AFTPH: variants seen among roughly 807,000 people sequenced by gnomAD.
AFTPH encodes aftiphilin.
In AFTPH, 7 loss-of-function variants were observed where a neutral mutation model predicts 72.5. The observed-to-expected ratio is 0.10, with a 90% CI of 0.05 to 0.18. AFTPH has a LOEUF of 0.18. Ranked by LOEUF, AFTPH falls within the 10% of genes least tolerant of loss-of-function variation. AFTPH has a pLI of 1.00. For synonymous variants in AFTPH, 337 were observed against 370.1 expected, an observed-to-expected ratio of 0.91 and a Z score of 1.03; for missense variants, 979 against 1,060.5, an observed-to-expected ratio of 0.92 and a Z score of 1.07.
intron 1 of AFTPH, among the ~76,000 whole-genome samples, chr2:64,542,830 T>C (rs1364621607): frequency 6.6e-6 from 1 of 152,206 alleles, no homozygotes; most frequent in East Asian, 1.9e-4. Flanking sequence ...AAGCAAACAT[T>C]GACTTAGGTT....
intron 7 of AFTPH, among the ~76,000 whole-genome samples, chr2:64,581,893 A>G (rs1673228264): frequency 6.6e-6 from 1 of 152,234 alleles, no homozygotes; most frequent in South Asian, 2.1e-4. Context: ...AGTTAATAGT[A>G]GAAAATAATT....
At chr2:64,575,468 T>C (rs577515880) in intron 6 of AFTPH, among the ~76,000 whole-genome samples, 2 of 152,020 alleles carry the variant, frequency 1.3e-5, no homozygotes, top group East Asian at 3.9e-4. Context: ...TCTACAAAAA[T>C]TAGCCAGGCA....
intron 5 of AFTPH, among the ~76,000 whole-genome samples, chr2:64,570,564 A>G (rs922593382): frequency 1.6e-4 from 24 of 152,284 alleles, no homozygotes; most frequent in Admixed American, 9.2e-4. Context: ...GTAAATGGTT[A>G]TCGTGTACTT....
chr2:64,579,666 G>A (rs1673049919), intron 7 of AFTPH, 120 bp downstream of exon 7: 1 of 852,736 alleles, frequency 1.2e-6, no homozygotes. Context: ...CTTATCTTTG[G>A]AAATTCAGGC....
At chr2:64,527,749 T>A (rs1669365881) in intron 1 of AFTPH, among the ~76,000 whole-genome samples, 1 of 152,252 alleles carries the variant, frequency 6.6e-6, no homozygotes, top group Non-Finnish European at 1.5e-5. Context: ...AAAAAAATGT[T>A]TTTAATTAAG....
intron 5 of AFTPH, among the ~76,000 whole-genome samples, chr2:64,570,282 A>G (rs1672333975): frequency 6.6e-6 from 1 of 152,132 alleles, no homozygotes; most frequent in African/African-American, 2.4e-5. Context: ...TTTGGTGTGT[A>G]TTTTTATCGA....
chr2:64,571,331 C>A (rs1672418325), intron 5 of AFTPH, among the ~76,000 whole-genome samples: 1 of 151,336 alleles, frequency 6.6e-6, no homozygotes, highest in Admixed American at 6.6e-5. Context: ...TGACAAGTTC[C>A]AAGGTGACAC....
At chr2:64,573,368 G>A (rs1672562033) in intron 6 of AFTPH, among the ~76,000 whole-genome samples, 1 of 150,378 alleles carries the variant, frequency 6.6e-6, no homozygotes, top group Non-Finnish European at 1.5e-5. Flanking sequence ...TATCTCTAAA[G>A]TCCCTTACAG....
intron 2 of AFTPH, among the ~76,000 whole-genome samples, chr2:64,556,797 G>A (rs1671406308): frequency 6.6e-6 from 1 of 152,156 alleles, no homozygotes; most frequent in African/African-American, 2.4e-5. Context: ...GTCTCAGAGG[G>A]TTCAAGCTTT....
At chr2:64,560,622 C>G (rs1487490856) in intron 2 of AFTPH, among the ~76,000 whole-genome samples, 1 of 152,140 alleles carries the variant, frequency 6.6e-6, no homozygotes, top group African/African-American at 2.4e-5. Context: ...CCTGTAATCC[C>G]AGCACTTTGG....
intron 2 of AFTPH, among the ~76,000 whole-genome samples, chr2:64,562,095 C>A (rs1474720588): frequency 1.3e-5 from 2 of 152,132 alleles, no homozygotes; most frequent in Non-Finnish European, 2.9e-5. Context: ...ACTATAGTTT[C>A]TTCATCTGTA....
chr2:64,566,249 A>G (rs898387176), intron 2 of AFTPH, among the ~76,000 whole-genome samples: 23 of 151,434 alleles, frequency 1.5e-4, no homozygotes, highest in African/African-American at 5.4e-4. Context: ...CTTAGGGTTC[A>G]TAATTGATAG....
At chr2:64,538,082 A>G (rs528600880) in intron 1 of AFTPH, among the ~76,000 whole-genome samples, 204 of 152,298 alleles carry the variant, frequency 1.3e-3, no homozygotes, top group African/African-American at 4.4e-3. Flanking sequence ...GAGTACATAG[A>G]GAGTAAGGGT....
At chr2:64,591,750 A>C in intron 8 of AFTPH, 138 bp from the exon 10 acceptor site, 2 of 860,646 alleles carry the variant, frequency 2.3e-6, no homozygotes, top group Non-Finnish European at 3.6e-6. Context: ...AAGTATTACA[A>C]GATTCAGGAA....
chr2:64,553,215 G>A, exon 2 of AFTPH: 1 of 1,614,190 alleles, frequency 6.2e-7, no homozygotes, highest in Non-Finnish European at 8.5e-7. Flanking sequence ...TGAACAAAAA[G>A]ATAGTTGTTC....
At chr2:64,584,417 CTAA>C (rs1405607352) in intron 7 of AFTPH, among the ~76,000 whole-genome samples, 1 of 151,976 alleles carries the variant, frequency 6.6e-6, no homozygotes, top group African/African-American at 2.4e-5. Flanking sequence ...GATATTTGAA[CTAA>C]TGACTACCAG....
At chr2:64,542,264 C>T (rs911745556) in intron 1 of AFTPH, among the ~76,000 whole-genome samples, 2 of 152,160 alleles carry the variant, frequency 1.3e-5, no homozygotes, top group Non-Finnish European at 2.9e-5. Context: ...AATGTGAGCC[C>T]ATGGACCTTT....
intron 3 of AFTPH, among the ~76,000 whole-genome samples, 185 bp downstream of exon 3, chr2:64,567,898 A>T (rs550670615): frequency 3.1e-5 from 2 of 64,094 alleles, no homozygotes; most frequent in Non-Finnish European, 7.8e-5. Context: ...GAAAATTAGC[A>T]GGGTATGGTG....
chr2:64,533,050 A>G (rs1276223113), intron 1 of AFTPH, among the ~76,000 whole-genome samples: 1 of 152,114 alleles, frequency 6.6e-6, no homozygotes, highest in Non-Finnish European at 1.5e-5. Flanking sequence ...TGGGCTTCCT[A>G]ACTATCAAAC....
Sources: allele counts gnomAD v4.1 joint callset (sites outside exome capture counted in the v4.1 genomes callset), GRCh38; gene constraint gnomAD v4.1.1; transcripts MANE v1.5; gene names NCBI Gene and HGNC (gene_info 2026-07-23, HGNC 2026-07-21).